DCLRE1C: variants seen among roughly 807,000 people sequenced by gnomAD.
The protein encoded by DCLRE1C is DNA cross-link repair 1C.
A neutral mutation model predicts 61.4 loss-of-function variants in DCLRE1C; 47 were observed. The observed-to-expected ratio is 0.77, with a 90% CI of 0.61 to 0.98. DCLRE1C has a LOEUF of 0.98. Ranked by LOEUF, DCLRE1C falls within the 50% of genes least tolerant of loss-of-function variation. The pLI, the probability that DCLRE1C is intolerant of heterozygous loss-of-function variation, is 0.00. For synonymous variants in DCLRE1C, 337 were observed against 287.6 expected, an observed-to-expected ratio of 1.17 and a Z score of -1.74; for missense variants, 858 against 816.0, an observed-to-expected ratio of 1.05 and a Z score of -0.63.
chr10:14,901,288 T>C, downstream of DCLRE1C: 1 of 1,612,830 alleles, frequency 6.2e-7, no homozygotes, highest in Non-Finnish European at 8.5e-7. Flanking sequence ...ACAGTTTCAT[T>C]GGTGTCAGTT....
chr10:14,939,854 C>G lies in DCLRE1C; in HGVS notation c.262G>C (p.Glu88Gln). 6.3e-7 allele frequency: 1 copy of G among 1,595,112 alleles called. No homozygotes were observed. Among genetic ancestry groups the G allele is most frequent in the Non-Finnish European group, 8.6e-7 (1 of 1,164,452 alleles). ...ACTAAAGATATCTGGGTAGGAGTCTCGATTTCAATAGATATCTATAAAAAT... is the reference window on the plus strand; with the variant it reads ...ACTAAAGATATCTGGGTAGGAGTCTGGATTTCAATAGATATCTATAAAAAT... ...WKKRIISIEI[E>Q]TPTQISLVDE... The change falls in exon 4 of 14, where the codon GAG (glutamate) becomes CAG (glutamine). Residue 88 changes from glutamate to glutamine, a missense_variant. Glu to Gln is a conservative substitution (Grantham distance 29). Coordinates refer to ENST00000378278, the MANE Select transcript of DCLRE1C (RefSeq NM_001033855.3).
At chr10:14,902,362 G>A, downstream of DCLRE1C, 1 of 1,345,752 alleles carries the variant, frequency 7.4e-7, no homozygotes, top group Non-Finnish European at 1.0e-6. Context: ...ATTCTAAATT[G>A]TCTTAACTCT....
chr10:14,935,784 G>A lies in DCLRE1C; in HGVS notation c.363-220C>T, dbSNP rs184984578. 3.1e-4 allele frequency among the ~76,000 whole-genome samples: 47 copies of A among 152,312 alleles called. 1 individual carries two copies. In the East Asian group the frequency reaches 8.5e-3, roughly 28 times the overall value. On this transcript the variant is annotated intron_variant, in intron 5 of 13. Transcript: ENST00000378278. ...TGGAGATGCTACCCAGTTTGTAATAGATGTTCCTTGTGATATGTTAGCACT... is the reference window on the plus strand; with the variant it reads ...TGGAGATGCTACCCAGTTTGTAATAAATGTTCCTTGTGATATGTTAGCACT...
intron 13 of DCLRE1C, among the ~76,000 whole-genome samples, chr10:14,918,116 A>G (rs1043883662): frequency 6.6e-6 from 1 of 152,260 alleles, no homozygotes; most frequent in African/African-American, 2.4e-5. Flanking sequence ...TTTCTTAAAG[A>G]TACAGCTACC....
At chr10:14,916,884 G>T (rs892937579) in intron 13 of DCLRE1C, among the ~76,000 whole-genome samples, 2 of 152,148 alleles carry the variant, frequency 1.3e-5, no homozygotes, top group African/African-American at 4.8e-5. Flanking sequence ...CTCAGGAGAG[G>T]ACATTTTTGT....
At chr10:14,931,356 G>A (rs569133743) in intron 9 of DCLRE1C, among the ~76,000 whole-genome samples, 12 of 151,846 alleles carry the variant, frequency 7.9e-5, no homozygotes, top group South Asian at 6.2e-4. Context: ...TTAGGAGTTC[G>A]AGACCAGCCT....
At chr10:14,901,985 A>G (rs1005968345), downstream of DCLRE1C, among the ~76,000 whole-genome samples, 14 of 152,214 alleles carry the variant, frequency 9.2e-5, no homozygotes, top group Non-Finnish European at 1.9e-4. Flanking sequence ...TTGTGACAAT[A>G]TAAATGTTTT....
At chr10:14,953,416 A>G (rs533079163) in intron 1 of DCLRE1C, among the ~76,000 whole-genome samples, 17 of 152,252 alleles carry the variant, frequency 1.1e-4, no homozygotes, top group Admixed American at 1.1e-3. Flanking sequence ...CGAAACTTTC[A>G]TATTGGATAC....
At chr10:14,954,127 G>C, upstream of DCLRE1C, 1 of 1,547,214 alleles carries the variant, frequency 6.5e-7, no homozygotes, top group East Asian at 2.3e-5. Context: ...GCGGCCGAAC[G>C]CAGCCACGTC....
At chr10:14,951,241 C>T (rs994739730) in intron 1 of DCLRE1C, among the ~76,000 whole-genome samples, 1 of 151,656 alleles carries the variant, frequency 6.6e-6, no homozygotes, top group Admixed American at 6.6e-5. Flanking sequence ...ATTAGCCAGG[C>T]ATGATGGTGC....
At chr10:14,948,227 G>A (rs1308840632) in intron 2 of DCLRE1C, among the ~76,000 whole-genome samples, 1 of 151,508 alleles carries the variant, frequency 6.6e-6, no homozygotes, top group African/African-American at 2.4e-5. Context: ...AAAAAAAATT[G>A]TTGAACAAAA....
exon 14 of DCLRE1C, chr10:14,898,677 A>G (rs1833776500): frequency 6.6e-6 from 1 of 152,274 alleles, no homozygotes; most frequent in Admixed American, 6.5e-5. Context: ...TACTTTAGAC[A>G]CTTTTGGTTT....
rs770468446 is a variant in DCLRE1C at position 14,907,634 on chromosome 10, T to TTTTA, written c.*770_*773dup. Among the ~76,000 whole-genome samples the TTTTA allele has an allele frequency of 3.8e-4, 58 of 152,154 alleles. No homozygotes were observed. Among genetic ancestry groups the TTTTA allele is most frequent in the Non-Finnish European group, 7.4e-4 (50 of 68,018 alleles). On this transcript the variant is annotated 3_prime_UTR_variant, in exon 14 of 14. Coordinates refer to ENST00000378278, the MANE Select transcript of DCLRE1C (RefSeq NM_001033855.3). ...TTTTGTCTTCTTGGTGAACTAGACCTTTTATCATTAGGAAACTGTCCATAT... is the reference window on the plus strand; with the variant it reads ...TTTTGTCTTCTTGGTGAACTAGACCTTTTATTTATCATTAGGAAACTGTCCATAT...
rs1310253681 is a variant in DCLRE1C, at chr10:14,954,045, C to G, written c.-35G>C. ...GATCCCAGAGTCCGGGACCCCAAAA[C>G]CGCAGCTGAAGCCAAGGCCAGCCCT... On this transcript the variant is annotated 5_prime_UTR_variant, in exon 1 of 14. Transcript: ENST00000378278. The G allele has an allele frequency of 3.7e-6, 6 of 1,613,210 alleles. No individual in the cohort carries two copies. The highest frequency in any genetic ancestry group is 5.1e-6 in the Non-Finnish European group (6 of 1,179,830).
chr10:14,946,579 C>T (rs1010273910), intron 2 of DCLRE1C, among the ~76,000 whole-genome samples: 5 of 152,100 alleles, frequency 3.3e-5, no homozygotes, highest in African/African-American at 4.8e-5. Flanking sequence ...GTACAACTTC[C>T]TCCTAGCTCT....
intron 1 of DCLRE1C, among the ~76,000 whole-genome samples, chr10:14,951,721 G>A (rs892325829): frequency 6.6e-6 from 1 of 152,112 alleles, no homozygotes; most frequent in Non-Finnish European, 1.5e-5. Flanking sequence ...CCCGCATGAG[G>A]ACAGAGCGCC....
At chr10:14,934,950 C>G (rs866367201) in intron 6 of DCLRE1C, among the ~76,000 whole-genome samples, 175 bp from the exon 7 acceptor site, 4 of 151,916 alleles carry the variant, frequency 2.6e-5, no homozygotes, top group East Asian at 2.0e-4. Context: ...AGCCTCCCAA[C>G]TATCTGGGAT....
intron 2 of DCLRE1C, among the ~76,000 whole-genome samples, chr10:14,948,769 ATT>A (rs1491255016): frequency 5.7e-5 from 7 of 123,152 alleles, no homozygotes; most frequent in African/African-American, 2.2e-4. Context: ...ATTTGGTAGG[ATT>A]ATATATATAT....
At position 14,907,547 on chromosome 10, in the gene DCLRE1C, T is replaced by C. The variant is rs1250670001; in HGVS notation, c.*861A>G. On this transcript the variant is annotated 3_prime_UTR_variant, in exon 14 of 14. Transcript: ENST00000378278. Reference sequence around the variant, plus strand: ...CTGTAATTGTGCATTAGTTTGTCTCTTTTCAGCTGTTCTAGCTTCATAAAT... The same window carrying C: ...CTGTAATTGTGCATTAGTTTGTCTCCTTTCAGCTGTTCTAGCTTCATAAAT... Among the ~76,000 whole-genome samples, 4 of 152,114 alleles carry C rather than the reference T, an allele frequency of 2.6e-5. No individual in the cohort carries two copies.
Sources: allele counts gnomAD v4.1 joint callset (sites outside exome capture counted in the v4.1 genomes callset), GRCh38; gene constraint gnomAD v4.1.1; transcripts MANE v1.5; gene names NCBI Gene and HGNC (gene_info 2026-07-23, HGNC 2026-07-21).